The following GLDC variants were observed in gnomAD, a reference collection of about 807,000 sequenced individuals.
GLDC encodes glycine dehydrogenase (decarboxylating), mitochondrial.
Under a neutral mutation model 121.3 loss-of-function variants are expected in GLDC, and 104 were observed. The observed-to-expected ratio is 0.86, with a 90% CI of 0.73 to 1.01. The LOEUF is 1.01. Among genes scored for constraint, GLDC ranks in the 50% least tolerant of loss-of-function variants. The pLI is 0.00. For synonymous variants in GLDC, 546 were observed against 480.6 expected (o/e 1.14, Z -1.78); for missense variants, 1,429 against 1,306.6 (o/e 1.09, Z -1.44).
At chr9:6,596,401 T>C (rs1818494928) in intron 8 of GLDC, among the ~76,000 whole-genome samples, 1 of 152,074 alleles carries the variant, frequency 6.6e-6, no homozygotes, top group African/African-American at 2.4e-5. Context: ...AAAATTAAAA[T>C]AGAGACCAAG....
chr9:6,621,482 TGA>T (rs1322756883), intron 2 of GLDC, among the ~76,000 whole-genome samples: 1 of 152,166 alleles, frequency 6.6e-6, no homozygotes, highest in Admixed American at 6.6e-5. Flanking sequence ...TGGACTAAGT[TGA>T]GAGCTGCTAC....
chr9:6,547,766 T>C (rs1444762105), intron 21 of GLDC, among the ~76,000 whole-genome samples: 1 of 152,208 alleles, frequency 6.6e-6, no homozygotes, highest in Non-Finnish European at 1.5e-5. Flanking sequence ...GAATTGACAG[T>C]GCCACTTTCA....
At chr9:6,595,194 A>T in intron 8 of GLDC, 75 bp from the exon 9 acceptor site, 7 of 975,170 alleles carry the variant, frequency 7.2e-6, no homozygotes, top group Non-Finnish European at 1.2e-5. Context: ...TTGACTTGGG[A>T]TGTCAAAACT....
intron 3 of GLDC, among the ~76,000 whole-genome samples, chr9:6,615,350 G>A (rs1319116695): frequency 6.6e-6 from 1 of 151,774 alleles, no homozygotes. Context: ...CACTTTGGGA[G>A]GAAAATCTCT....
intron 16 of GLDC, among the ~76,000 whole-genome samples, chr9:6,563,655 C>A (rs58845338): frequency 0.016 from 2,497 of 152,274 alleles, 59 homozygotes; most frequent in African/African-American, 0.057. Context: ...AATTATAGTT[C>A]TAAACTAATC....
Position 6,610,227 on chromosome 9 carries a change from C to A in GLDC, c.600G>T (p.Gly200=), listed in dbSNP as rs1166507665. The change falls in exon 4 of 25, where the codon GGG becomes GGT. Residue 200 remains glycine, a synonymous_variant. Coordinates refer to ENST00000321612, the MANE Select transcript of GLDC (RefSeq NM_000170.3). ...DMANASLLDE[G]TAAAEALQLC... is the part of the protein sequence containing the mutation. ...GCTGCAGTGCCTCTGCGGCTGCAGT[C>A]CCCTCATCCAGCAGGGATGCATTGG... The A allele has an allele frequency of 5.0e-6, 8 of 1,613,422 alleles. No homozygotes were observed. The highest frequency in any genetic ancestry group is 5.1e-6 in the Non-Finnish European group (6 of 1,179,788).
chr9:6,569,991 A>T (rs1178845250), intron 15 of GLDC, among the ~76,000 whole-genome samples: 1 of 152,188 alleles, frequency 6.6e-6, no homozygotes, highest in East Asian at 1.9e-4. Flanking sequence ...CGGGGGGATT[A>T]AAAAACATCG....
chr9:6,555,771 G>A (rs541289970), intron 18 of GLDC, among the ~76,000 whole-genome samples: 7 of 152,164 alleles, frequency 4.6e-5, no homozygotes, highest in East Asian at 1.9e-4. Flanking sequence ...CAGCCTTGGC[G>A]ACAGAGTGAG....
intron 17 of GLDC, 146 bp from the exon 18 acceptor site, chr9:6,556,448 A>C: frequency 1.5e-6 from 1 of 681,402 alleles, no homozygotes; most frequent in Non-Finnish European, 2.6e-6. Context: ...CAATGACAGC[A>C]ATAAAAAAAA....
At chr9:6,549,764 G>T (rs1396035355) in intron 21 of GLDC, among the ~76,000 whole-genome samples, 1 of 151,950 alleles carries the variant, frequency 6.6e-6, no homozygotes. Flanking sequence ...TCAATCACAG[G>T]TGTGATTACA....
In GLDC at chr9:6,605,175, C is replaced by T; in HGVS notation, c.817G>A (p.Val273Met). ...TCCACGAGTTCCGTAAAGTCTTCCA[C>T]CTTCCCCTCCGTGTCTGGGTACTGG... ...LFQYPDTEGK[V>M]EDFTELVERA... is the part of the protein sequence containing the mutation. The change falls in exon 6 of 25, where the codon GTG becomes ATG. Residue 273 changes from valine to methionine, a missense_variant. Val to Met is a conservative substitution (Grantham distance 21). Transcript: ENST00000321612. 1.2e-6 allele frequency: 2 copies of T among 1,613,548 alleles called. No individual in the cohort carries two copies. The highest frequency in any genetic ancestry group is 2.2e-5 in the East Asian group (1 of 44,878).
intron 5 of GLDC, 28 bp downstream of exon 5, chr9:6,606,564 A>G: frequency 2.3e-6 from 3 of 1,295,904 alleles, no homozygotes; most frequent in South Asian, 2.4e-5. Flanking sequence ...CATTATACTG[A>G]GTTTAAAACA....
chr9:6,588,707 G>A lies in GLDC; in HGVS notation c.1581-5C>T, dbSNP rs184463452. On this transcript the variant is annotated splice_region_variant and splice_polypyrimidine_tract_variant and intron_variant, in intron 12 of 24. Transcript: ENST00000321612. The stretch of plus-strand genomic sequence containing the variant: ...ATGTTTGTTTCAGAGTGGTAGCTGT[G>A]AACACAAAACACAGAATTAGGGGCC... The A allele has an allele frequency of 9.9e-5, 159 of 1,606,774 alleles. No individual in the cohort carries two copies. The East Asian group carries it at 2.7e-3, about 28-fold the overall frequency.
intron 4 of GLDC, among the ~76,000 whole-genome samples, chr9:6,609,606 C>T (rs1277675048): frequency 1.3e-5 from 2 of 152,026 alleles, no homozygotes; most frequent in African/African-American, 2.4e-5. Context: ...CACACCTGCC[C>T]TTGAAACACC....
chr9:6,562,896 T>C (rs2129750021), intron 16 of GLDC, among the ~76,000 whole-genome samples: 1 of 152,308 alleles, frequency 6.6e-6, no homozygotes, highest in East Asian at 1.9e-4. Flanking sequence ...ATGCCAACAT[T>C]TCCAGGCTAA....
chr9:6,639,558 C>A (rs188122446), intron 2 of GLDC: 2 of 772,594 alleles, frequency 2.6e-6, no homozygotes, highest in Admixed American at 1.7e-5. Flanking sequence ...ATATGTTCGA[C>A]TGGCTCCTGA....
intron 2 of GLDC, among the ~76,000 whole-genome samples, chr9:6,643,439 T>A (rs887762488): frequency 6.7e-6 from 1 of 150,362 alleles, no homozygotes; most frequent in East Asian, 1.9e-4. Context: ...CTTTCTATCA[T>A]AGCAACAAAA....
At chr9:6,626,086 G>A (rs1280213348) in intron 2 of GLDC, among the ~76,000 whole-genome samples, 1 of 149,986 alleles carries the variant, frequency 6.7e-6, no homozygotes, top group Non-Finnish European at 1.5e-5. Flanking sequence ...GTGCTCAAAT[G>A]TGTTTAGATT....
At position 6,606,601 on chromosome 9, in the gene GLDC, G is replaced by T. The variant is rs765805899; in HGVS notation, c.704C>A (p.Thr235Asn). Residue 235 changes from threonine (T) to asparagine (N), a missense_variant, in exon 5 of 25, where the codon ACT becomes AAT. Thr to Asn is a moderately conservative substitution (Grantham distance 65). Transcript: ENST00000321612. ...CHPQTIAVVQ[T>N]RAKYTGVLTE... ...GAATCAAATTAATTACTTGGCTCGA[G>T]TCTGGACAACAGCTATTGTCTGTGG... The T allele has an allele frequency of 6.3e-7, 1 of 1,585,964 alleles. No individual in the cohort carries two copies. Among genetic ancestry groups the T allele is most frequent in the Non-Finnish European group, 8.7e-7 (1 of 1,154,556 alleles).
Sources: allele counts gnomAD v4.1 joint callset (sites outside exome capture counted in the v4.1 genomes callset), GRCh38; gene constraint gnomAD v4.1.1; transcripts MANE v1.5; gene names NCBI Gene and HGNC (gene_info 2026-07-23, HGNC 2026-07-21).